The following AFF1 variants were observed in gnomAD, a reference collection of about 807,000 sequenced individuals.
AFF1 encodes the protein ALF transcription elongation factor 1.
In AFF1, 48 loss-of-function variants were observed where a neutral mutation model predicts 121.7. That is an observed-to-expected ratio of 0.39 (90% CI 0.31 to 0.50). The LOEUF is 0.50. AFF1 is among the 20% of genes least tolerant of loss of function. The pLI is 0.76. For missense variants in AFF1, 1,523 were observed against 1,511.7 expected (o/e 1.01, Z -0.12); for synonymous variants, 613 against 563.0 (o/e 1.09, Z -1.26).
intron 2 of AFF1, among the ~76,000 whole-genome samples, chr4:86,969,015 C>G (rs75259667): frequency 0.037 from 5,592 of 152,196 alleles, 144 homozygotes; most frequent in South Asian, 0.059. Flanking sequence ...TTTGTAGGAG[C>G]AGAAGATTGT....
chr4:87,057,208 G>A (rs1720239553), intron 4 of AFF1, among the ~76,000 whole-genome samples: 1 of 152,200 alleles, frequency 6.6e-6, no homozygotes, highest in African/African-American at 2.4e-5. Context: ...AGTGGGAGTG[G>A]CAGGGCCTGT....
intron 14 of AFF1, among the ~76,000 whole-genome samples, chr4:87,126,563 A>G (rs1220445144): frequency 6.6e-6 from 1 of 152,238 alleles, no homozygotes; most frequent in Non-Finnish European, 1.5e-5. Context: ...TCAGAGGTGA[A>G]AAATCAAAAT....
intron 2 of AFF1, chr4:87,006,890 C>T (rs1293468617): frequency 7.5e-6 from 7 of 934,702 alleles, no homozygotes; most frequent in East Asian, 7.3e-5. Context: ...GCTAGGGCCG[C>T]CGAGCGCCCT....
rs183538843 is a variant in AFF1 at position 87,125,738 on chromosome 4, G to A, written c.2574-361G>A. Among the ~76,000 whole-genome samples the A allele has an allele frequency of 2.2e-4, 34 of 152,332 alleles. 1 individual carries two copies. The highest frequency in any genetic ancestry group is 7.2e-4 in the African/African-American group (30 of 41,568). ...GCAAAAACAAGTGCATAGTGTCACC[G>A]TGTGGGAACCGACAGAGATGGGGAA... On this transcript the variant is annotated intron_variant, in intron 13 of 20. Coordinates refer to ENST00000395146, the MANE Select transcript of AFF1 (RefSeq NM_001166693.3).
At chr4:87,067,103 T>G (rs1721436348) in intron 4 of AFF1, among the ~76,000 whole-genome samples, 1 of 152,184 alleles carries the variant, frequency 6.6e-6, no homozygotes, top group Non-Finnish European at 1.5e-5. Flanking sequence ...TCACAGAGAT[T>G]CATGAAATAA....
intron 16 of AFF1, 80 bp from the exon 17 acceptor site, chr4:87,131,003 A>G: frequency 1.3e-6 from 2 of 1,543,686 alleles, no homozygotes; most frequent in South Asian, 2.4e-5. Context: ...AGTGGAGGAA[A>G]GTCACACTAA....
chr4:87,087,680 C>T lies in AFF1; in HGVS notation c.1105-2304C>T, dbSNP rs375167990. ...TAGGCATGTAGGGAAGTATATAAAT[C>T]CTTTCAGACTACCAGGGAACCACTT... On this transcript the variant is annotated intron_variant, in intron 5 of 20. Transcript: ENST00000395146. Among the ~76,000 whole-genome samples, 56 of 152,192 alleles carry T rather than the reference C, an allele frequency of 3.7e-4. No homozygotes were observed. The Middle Eastern group carries it at 0.014, about 37-fold the overall frequency.
At chr4:87,092,884 A>G (rs1188187911) in intron 7 of AFF1, among the ~76,000 whole-genome samples, 1 of 152,128 alleles carries the variant, frequency 6.6e-6, no homozygotes, top group Non-Finnish European at 1.5e-5. Context: ...GCTAGCCCAG[A>G]CCAGTGGAGT....
intron 8 of AFF1, among the ~76,000 whole-genome samples, chr4:87,101,925 G>C (rs1365251510): frequency 1.3e-5 from 2 of 152,172 alleles, no homozygotes; most frequent in Non-Finnish European, 2.9e-5. Flanking sequence ...GGCAGTGAAA[G>C]CTTTGGGCAA....
chr4:87,110,356 T>C (rs1203053801), intron 11 of AFF1, among the ~76,000 whole-genome samples: 5 of 152,174 alleles, frequency 3.3e-5, no homozygotes, highest in Admixed American at 2.0e-4. Flanking sequence ...AGTTATACTT[T>C]TTCAGTTATT....
chr4:87,092,387 C>G (rs750873103), intron 7 of AFF1, among the ~76,000 whole-genome samples: 16 of 152,142 alleles, frequency 1.1e-4, no homozygotes, highest in Admixed American at 3.9e-4. Flanking sequence ...AGTAGCTGTA[C>G]CAAATGTGAC....
Position 87,084,167 on chromosome 4 carries a change from G to A in AFF1, c.1104+3G>A. On this transcript the variant is annotated splice_donor_region_variant and intron_variant, in intron 5 of 20. Coordinates refer to ENST00000395146, the MANE Select transcript of AFF1 (RefSeq NM_001166693.3). The stretch of plus-strand genomic sequence containing the variant: ...ATTGTGTTGAAGAGATTCTGAAGGT[G>A]AGTTCACTGTTAATCTTTCTCATTT... The A allele has an allele frequency of 6.2e-7, 1 of 1,613,488 alleles. No individual in the cohort carries two copies. The highest frequency in any genetic ancestry group is 8.5e-7 in the Non-Finnish European group (1 of 1,179,512).
At chr4:87,003,301 T>C (rs1298076437) in intron 2 of AFF1, among the ~76,000 whole-genome samples, 3 of 152,310 alleles carry the variant, frequency 2.0e-5, no homozygotes, top group Non-Finnish European at 4.4e-5. Flanking sequence ...CCTTGCCCTG[T>C]CACCTAGGCT....
intron 4 of AFF1, among the ~76,000 whole-genome samples, chr4:87,074,139 A>G (rs947519742): frequency 3.4e-5 from 5 of 145,084 alleles, no homozygotes; most frequent in Admixed American, 6.8e-5. Context: ...AGTCCCACTG[A>G]AAAAAAAAAA....
intron 4 of AFF1, among the ~76,000 whole-genome samples, chr4:87,069,015 T>C (rs749320381): frequency 6.6e-6 from 1 of 151,842 alleles, no homozygotes; most frequent in Non-Finnish European, 1.5e-5. Flanking sequence ...GGTAGGGAAA[T>C]AAGTGAGAGG....
intron 1 of AFF1, among the ~76,000 whole-genome samples, chr4:86,945,757 G>C (rs1345916236): frequency 1.3e-5 from 2 of 152,020 alleles, no homozygotes; most frequent in Non-Finnish European, 2.9e-5. Flanking sequence ...CTCCCAAAGT[G>C]TTGGGATTAC....
chr4:86,964,434 TC>T (rs550078439), intron 2 of AFF1, among the ~76,000 whole-genome samples: 5 of 128,738 alleles, frequency 3.9e-5, no homozygotes, highest in Non-Finnish European at 8.3e-5. Context: ...GTTCTATACA[TC>T]TTTTTTTTTT....
At chr4:86,996,431 C>T (rs1192076482) in intron 2 of AFF1, among the ~76,000 whole-genome samples, 1 of 151,748 alleles carries the variant, frequency 6.6e-6, no homozygotes, top group Admixed American at 6.6e-5. Flanking sequence ...TTACCCCCAA[C>T]CCTGTGCTCT....
At chr4:87,091,715 C>G (rs75226219) in intron 6 of AFF1, 78 bp from the exon 7 acceptor site, 2 of 1,012,984 alleles carry the variant, frequency 2.0e-6, no homozygotes, top group East Asian at 2.7e-5. Flanking sequence ...CCTTTTAATA[C>G]TAAAAGCTCA....
Sources: allele counts gnomAD v4.1 joint callset (sites outside exome capture counted in the v4.1 genomes callset), GRCh38; gene constraint gnomAD v4.1.1; transcripts MANE v1.5; gene names NCBI Gene and HGNC (gene_info 2026-07-23, HGNC 2026-07-21).